The following PADI6 variants were observed in gnomAD, a reference collection of about 807,000 sequenced individuals.
PADI6 encodes peptidyl arginine deiminase 6.
Under a neutral mutation model 78.2 loss-of-function variants are expected in PADI6, and 66 were observed. The observed-to-expected ratio is 0.84, with a 90% CI of 0.69 to 1.04. The LOEUF (loss-of-function observed/expected upper bound fraction) is 1.04. Among genes scored for constraint, PADI6 ranks in the 50% least tolerant of loss-of-function variants. The pLI is 0.00. For missense variants in PADI6, 854 were observed against 866.1 expected (o/e 0.99, Z 0.18); for synonymous variants, 397 against 346.9 (o/e 1.14, Z -1.60).
In PADI6 at chr1:17,372,313, T is replaced by C. The variant is rs775815189; in HGVS notation, c.68T>C (p.Val23Ala). 1.2e-6 allele frequency: 2 copies of C among 1,613,848 alleles called. No homozygotes were observed. The highest frequency in any genetic ancestry group is 1.7e-5 in the Admixed American group (1 of 60,000). ...ATCCACCTGTCCCTGGACAGCCCTG[T>C]CCATGCCGTTTGTGTGTTGGGCACA... is the stretch of plus-strand genomic sequence containing the variant. ...SIIHLSLDSP[V>A]HAVCVLGTEI... The change falls in exon 1 of 16, where the codon GTC becomes GCC. Residue 23 changes from valine to alanine, a missense_variant. Physicochemically the swap from Val to Ala is moderately conservative, Grantham distance 64 (BLOSUM62 0). Transcript: ENST00000619609.
In PADI6 at chr1:17,397,055, C is replaced by A. The variant is rs755608736; in HGVS notation, c.1619-16C>A. ...ATTCCCTGACCAGCAGGCCTGCTGCCCGCTTCTTCCTACAGGAAGGGAAGC... is the reference window on the plus strand; with the variant it reads ...ATTCCCTGACCAGCAGGCCTGCTGCACGCTTCTTCCTACAGGAAGGGAAGC... On this transcript the variant is annotated splice_polypyrimidine_tract_variant and intron_variant, in intron 13 of 15. Coordinates refer to ENST00000619609, the MANE Select transcript of PADI6 (RefSeq NM_207421.4). 1 of 1,612,994 alleles carries A rather than the reference C, an allele frequency of 6.2e-7. No individual in the cohort carries two copies. The highest frequency in any genetic ancestry group is 1.1e-5 in the South Asian group (1 of 90,838).
intron 6 of PADI6, among the ~76,000 whole-genome samples, chr1:17,384,840 C>T (rs2075104830): frequency 6.6e-6 from 1 of 152,164 alleles, no homozygotes; most frequent in Non-Finnish European, 1.5e-5. Context: ...CAGTGAAAAG[C>T]CAGGTTGAAA....
chr1:17,381,008 T>G lies in PADI6; in HGVS notation c.436-39T>G, dbSNP rs1196188295. The G allele has an allele frequency of 1.2e-5, 18 of 1,511,196 alleles. No homozygotes were observed. In the Admixed American group the frequency reaches 3.6e-4, roughly 30 times the overall value. The allele number at this position is 1,511,196 out of a possible 1,614,324, so 93.6% of individuals were successfully genotyped here. A position where few individuals can be genotyped will look rare whatever the true frequency, so the allele number is the denominator to read the frequency against. ...GCATCCGAGAAACAGAAGATTTATT[T>G]GGCTCCTTCCTGAGCCAATGTTCCC... On this transcript the variant is annotated intron_variant, in intron 4 of 15. Transcript: ENST00000619609.
chr1:17,382,156 C>T (rs2075079130), intron 6 of PADI6, 64 bp downstream of exon 6: 11 of 1,577,400 alleles, frequency 7.0e-6, no homozygotes, highest in East Asian at 4.5e-5. Flanking sequence ...GTTGTGCCCA[C>T]ACCTCCTCCC....
rs761724874 is a variant in PADI6, at chr1:17,382,063, C to T, written c.650C>T (p.Ser217Leu). The T allele has an allele frequency of 6.4e-5, 103 of 1,613,792 alleles. No homozygotes were observed. Among genetic ancestry groups the T allele is most frequent in the Non-Finnish European group, 8.2e-5 (97 of 1,179,862 alleles). ...RLVLHTSKEE[S>L]KKARVYWPQK... The stretch of plus-strand genomic sequence containing the variant: ...GTCCTCCATACCTCCAAGGAAGAGT[C>T]GAAGAAGGCGAGAGTCTACTGGCCC... The change falls in exon 6 of 16, where the codon TCG becomes TTG. Residue 217 changes from serine (S) to leucine (L), a missense_variant. Physicochemically the swap from Ser to Leu is moderately radical, Grantham distance 145. Transcript: ENST00000619609.
intron 5 of PADI6, 48 bp downstream of exon 5, chr1:17,381,212 C>T: frequency 6.9e-7 from 1 of 1,458,716 alleles, no homozygotes; most frequent in Non-Finnish European, 9.4e-7. Flanking sequence ...CTCTTTGCTG[C>T]CCTGCTTCTC....
chr1:17,382,032 C>A lies in PADI6; in HGVS notation c.619C>A (p.Arg207=). The change falls in exon 6 of 16, where the codon CGG becomes AGG. Residue 207 remains arginine (R), a synonymous_variant. Coordinates refer to ENST00000619609, the MANE Select transcript of PADI6 (RefSeq NM_207421.4). ...QGPSCILKKY[R]LVLHTSKEES... is the part of the protein sequence containing the mutation. ...CCCCAGCTGTATCTTAAAGAAATATCGGCTAGTCCTCCATACCTCCAAGGA... is the reference window on the plus strand; with the variant it reads ...CCCCAGCTGTATCTTAAAGAAATATAGGCTAGTCCTCCATACCTCCAAGGA... 6.2e-7 allele frequency: 1 copy of A among 1,613,862 alleles called. No individual in the cohort carries two copies. Among genetic ancestry groups the A allele is most frequent in the Non-Finnish European group, 8.5e-7 (1 of 1,179,794 alleles).
rs114681443 is a variant in PADI6 at position 17,382,455 on chromosome 1, A to C, written c.679+363A>C. ...CCAGTGACTCCTCTCAGGAGAATCCATCTTCACTCTAAACCAATGATCCAC... is the reference window on the plus strand; with the variant it reads ...CCAGTGACTCCTCTCAGGAGAATCCCTCTTCACTCTAAACCAATGATCCAC... On this transcript the variant is annotated intron_variant, in intron 6 of 15. Transcript: ENST00000619609. Among the ~76,000 whole-genome samples, 1,488 of 152,338 alleles carry C rather than the reference A, an allele frequency of 9.8e-3. 31 individuals carry two copies. The highest frequency in any genetic ancestry group is 0.034 in the African/African-American group (1,423 of 41,586).
intron 6 of PADI6, among the ~76,000 whole-genome samples, chr1:17,384,343 C>T (rs1397920666): frequency 6.6e-6 from 1 of 152,138 alleles, no homozygotes; most frequent in African/African-American, 2.4e-5. Context: ...CCTGTAATCC[C>T]AGCACTTTGG....
chr1:17,391,415 T>G (rs936309018), intron 8 of PADI6, among the ~76,000 whole-genome samples: 8 of 152,178 alleles, frequency 5.3e-5, no homozygotes, highest in African/African-American at 1.2e-4. Flanking sequence ...AGATGGGGTT[T>G]CACCATGTTG....
Position 17,398,807 on chromosome 1 carries a change from A to C in PADI6, c.1811A>C (p.Gln604Pro), listed in dbSNP as rs1220399763. 1 of 1,613,526 alleles carries C rather than the reference A, an allele frequency of 6.2e-7. No homozygotes were observed. Among genetic ancestry groups the C allele is most frequent in the Admixed American group, 1.7e-5 (1 of 59,982 alleles). The change falls in exon 15 of 16, where the codon CAG (glutamine) becomes CCG (proline). Residue 604 changes from glutamine (Q) to proline (P), a missense_variant. By Grantham distance (76) the Gln-to-Pro change is moderately conservative. Coordinates refer to ENST00000619609, the MANE Select transcript of PADI6 (RefSeq NM_207421.4). ...EKLTNIPSDQQPKRSFARPYF... is the reference protein window; with the variant it reads ...EKLTNIPSDQPPKRSFARPYF... ...CTGACTAACATCCCCTCTGACCAGC[A>C]GCCCAAGAGGTCCTTTGCGAGGCCA... is the stretch of plus-strand genomic sequence containing the variant.
intron 3 of PADI6, among the ~76,000 whole-genome samples, chr1:17,375,999 A>T (rs1043947013): frequency 2.0e-5 from 3 of 147,824 alleles, no homozygotes; most frequent in Non-Finnish European, 4.4e-5. Context: ...TTTTTCTGAG[A>T]TGAGTCTTAC....
intron 8 of PADI6, among the ~76,000 whole-genome samples, chr1:17,391,745 G>A (rs2075186309): frequency 1.3e-5 from 2 of 152,346 alleles, no homozygotes; most frequent in South Asian, 4.1e-4. Context: ...GAACCCAGGA[G>A]GTGGAGGTTG....
intron 6 of PADI6, among the ~76,000 whole-genome samples, chr1:17,385,108 C>T (rs954112445): frequency 2.0e-5 from 3 of 152,164 alleles, no homozygotes; most frequent in East Asian, 1.9e-4. Context: ...ACCTGTAATC[C>T]CAGCACTTTG....
chr1:17,400,054 C>T (rs1238192229), intron 15 of PADI6, among the ~76,000 whole-genome samples: 1 of 150,912 alleles, frequency 6.6e-6, no homozygotes, highest in Admixed American at 6.6e-5. Context: ...CAAAACAAAA[C>T]AAAAAATGCT....
chr1:17,385,302 G>T (rs941275980), intron 6 of PADI6, among the ~76,000 whole-genome samples: 3 of 152,234 alleles, frequency 2.0e-5, no homozygotes, highest in Admixed American at 1.3e-4. Flanking sequence ...GAGCTTTAAA[G>T]ACCTGGTGTG....
intron 3 of PADI6, among the ~76,000 whole-genome samples, chr1:17,376,863 GT>G (rs2075023933): frequency 6.7e-6 from 1 of 148,454 alleles, no homozygotes; most frequent in Non-Finnish European, 1.5e-5. Flanking sequence ...GTTCTTTTGT[GT>G]TTTTGTTTTG....
At chr1:17,398,649 C>T (rs947662368) in intron 14 of PADI6, 37 bp from the exon 15 acceptor site, 10 of 91,268 alleles carry the variant, frequency 1.1e-4, no homozygotes, top group South Asian at 6.6e-4. Flanking sequence ...TCTCCTTGCT[C>T]CCCCGCCCCC....
chr1:17,389,647 T>G lies in PADI6; in HGVS notation c.962+767T>G, dbSNP rs145987248. ...GGAATCCAGGAGCAGTCTCTAGCTA[T>G]GTAGCCACATGCCTAGGGAGAAAAG... On this transcript the variant is annotated intron_variant, in intron 8 of 15. Coordinates refer to ENST00000619609, the MANE Select transcript of PADI6 (RefSeq NM_207421.4). Among the ~76,000 whole-genome samples the G allele has an allele frequency of 2.3e-3, 349 of 152,306 alleles. 6 individuals carry two copies. Among genetic ancestry groups the G allele is most frequent in the African/African-American group, 7.7e-3 (320 of 41,572 alleles).
Sources: allele counts gnomAD v4.1 joint callset (sites outside exome capture counted in the v4.1 genomes callset), GRCh38; gene constraint gnomAD v4.1.1; transcripts MANE v1.5; gene names NCBI Gene and HGNC (gene_info 2026-07-23, HGNC 2026-07-21).